Variants in HSP90AA1 observed in about 807,000 individuals in gnomAD.
The protein encoded by HSP90AA1 is heat shock protein 90 alpha family class A member 1, also known as heat shock protein HSP 90-alpha.
A neutral mutation model predicts 73.3 loss-of-function variants in HSP90AA1; 18 were observed. The observed-to-expected ratio is 0.25, with a 90% CI of 0.17 to 0.36. The LOEUF (loss-of-function observed/expected upper bound fraction) is 0.36, where lower values mean the gene tolerates loss of function less well. Ranked by LOEUF, HSP90AA1 falls within the 10% of genes least tolerant of loss-of-function variation. The probability of loss-of-function intolerance (pLI) is 1.00; values close to 1 mark genes in which losing one functional copy is unlikely to be tolerated. For synonymous variants in HSP90AA1, 477 were observed against 296.9 expected (o/e 1.61, Z -6.24); for missense variants, 704 against 874.2 (o/e 0.81, Z 2.45).
Position 102,139,132 on chromosome 14 carries a change from C to T in HSP90AA1, c.155+118G>A, listed in dbSNP as rs2152631080. On this transcript the variant is annotated intron_variant, in intron 1 of 11. Coordinates refer to the HSP90AA1 transcript ENST00000334701. ...AGAAGCGGAGGCCGCCAGTGCTCAT[C>T]ACACGCAGGAATTAGGATATCTGGC... The T allele has an allele frequency of 3.1e-6, 4 of 1,271,120 alleles. No individual in the cohort carries two copies. In the South Asian group the frequency reaches 5.0e-5, roughly 16 times the overall value. 78.7% of individuals were successfully genotyped at this position (1,271,120 alleles called of 1,614,324 possible). A position where few individuals can be genotyped will look rare whatever the true frequency, so the allele number is the denominator to read the frequency against.
rs556803066 is a variant in HSP90AA1, at chr14:102,081,046, T to C, written c.*666A>G. On this transcript the variant is annotated 3_prime_UTR_variant, in exon 11 of 11. Coordinates refer to ENST00000216281, the MANE Select transcript of HSP90AA1 (RefSeq NM_005348.4). ...CCCTAAATAAGACACTGTCACACAA[T>C]ATCTTTTAACTCATCTGTATTTGTT... 9 of 227,466 alleles carry C rather than the reference T, an allele frequency of 4.0e-5. No homozygotes were observed. The highest frequency in any genetic ancestry group is 1.6e-4 in the African/African-American group (7 of 45,102). The allele number at this position is 227,466 out of a possible 1,614,324, so 14.1% of individuals were successfully genotyped here.
intron 1 of HSP90AA1, among the ~76,000 whole-genome samples, chr14:102,128,428 G>A (rs2049863877): frequency 6.6e-6 from 1 of 152,096 alleles, no homozygotes; most frequent in Non-Finnish European, 1.5e-5. Context: ...AGGGGTTCGA[G>A]ACCAGCCTGG....
intron 1 of HSP90AA1, among the ~76,000 whole-genome samples, chr14:102,116,118 ATT>A (rs1173240447): frequency 6.6e-6 from 1 of 151,534 alleles, no homozygotes; most frequent in Admixed American, 6.6e-5. Flanking sequence ...CGCCCAACTA[ATT>A]TTTTTTGTAT....
intron 2 of HSP90AA1, among the ~76,000 whole-genome samples, chr14:102,092,934 A>T (rs892439236): frequency 6.6e-6 from 1 of 151,636 alleles, no homozygotes; most frequent in African/African-American, 2.4e-5. Flanking sequence ...TAATAGAGAC[A>T]TGGTTTCACC....
chr14:102,115,136 G>GA (rs71116882), intron 1 of HSP90AA1, among the ~76,000 whole-genome samples: 104,727 of 145,252 alleles, frequency 0.72, 40,899 homozygotes, highest in East Asian at 0.92. Context: ...CACAGAGCAA[G>GA]AAAAAAAAAA....
At position 102,084,460 on chromosome 14, in the gene HSP90AA1, T is replaced by C. The variant is rs1445977308; in HGVS notation, c.1086A>G (p.Lys362=). The C allele has an allele frequency of 3.1e-6, 5 of 1,613,660 alleles. No homozygotes were observed. The highest frequency in any genetic ancestry group is 2.2e-5 in the East Asian group (1 of 44,898). ...TGATGAAAACTCTGCGTACATACAATTTGATGTTGTTCTTTTTCTTTCTGT... is the reference window on the plus strand; with the variant it reads ...TGATGAAAACTCTGCGTACATACAACTTGATGTTGTTCTTTTTCTTTCTGT... ...FENRKKKNNI[K]LYVRRVFIMD... is the part of the protein sequence containing the mutation. Residue 362 remains lysine (K), a synonymous_variant, in exon 6 of 11, where the codon AAA becomes AAG. Transcript: ENST00000216281.
chr14:102,134,891 TC>T (rs746604879), intron 1 of HSP90AA1, among the ~76,000 whole-genome samples: 1 of 152,188 alleles, frequency 6.6e-6, no homozygotes, highest in Non-Finnish European at 1.5e-5. Flanking sequence ...CCCACCCACA[TC>T]CTGCTGATTG....
rs1244729499 is a variant in HSP90AA1, at chr14:102,080,948, G to A, written c.*764C>T. The A allele has an allele frequency of 2.2e-5, 5 of 228,030 alleles. No individual in the cohort carries two copies. The Admixed American group carries it at 2.8e-4, about 13-fold the overall frequency. The allele number at this position is 228,030 out of a possible 1,614,324, so 14.1% of individuals were successfully genotyped here. On this transcript the variant is annotated 3_prime_UTR_variant, in exon 11 of 11. Coordinates refer to ENST00000216281, the MANE Select transcript of HSP90AA1 (RefSeq NM_005348.4). Reference sequence around the variant, plus strand: ...CATGTCAACCCTTGGAGCAGCTAGTGTTTAACCATCTCCTGCTAGCGCCTC... The same window carrying A: ...CATGTCAACCCTTGGAGCAGCTAGTATTTAACCATCTCCTGCTAGCGCCTC...
At chr14:102,131,918 T>G (rs2049911121) in intron 1 of HSP90AA1, among the ~76,000 whole-genome samples, 1 of 152,144 alleles carries the variant, frequency 6.6e-6, no homozygotes, top group Non-Finnish European at 1.5e-5. Context: ...GTTACAACAA[T>G]GTAGCATATG....
chr14:102,110,114 T>A (rs1358584363), intron 1 of HSP90AA1, among the ~76,000 whole-genome samples: 1 of 151,988 alleles, frequency 6.6e-6, no homozygotes, highest in Admixed American at 6.6e-5. Context: ...TTTGTATTTT[T>A]AGTAGAGACA....
upstream of HSP90AA1, among the ~76,000 whole-genome samples, chr14:102,088,100 G>T (rs992544420): frequency 2.0e-5 from 3 of 151,820 alleles, no homozygotes; most frequent in Admixed American, 6.6e-5. Context: ...GTGGGCAGAG[G>T]ACCACAGGCG....
intron 1 of HSP90AA1, among the ~76,000 whole-genome samples, chr14:102,110,662 C>T (rs1043683471): frequency 6.6e-6 from 1 of 151,438 alleles, no homozygotes; most frequent in African/African-American, 2.4e-5. Context: ...TCACTGCAAG[C>T]TCCGCCTCCC....
At position 102,108,235 on chromosome 14, in the gene HSP90AA1, C is replaced by T. The variant is rs973006299; in HGVS notation, c.156-6150G>A. 3.7e-4 allele frequency among the ~76,000 whole-genome samples: 47 copies of T among 127,848 alleles called. 1 individual carries two copies. The highest frequency in any genetic ancestry group is 1.2e-3 in the African/African-American group (43 of 34,472). The allele number at this position is 127,848 out of a possible 152,430, so 83.9% of individuals were successfully genotyped here. On this transcript the variant is annotated intron_variant, in intron 1 of 11. Transcript: ENST00000334701. Reference sequence around the variant, plus strand: ...CCATAATCATGACATTGCACTACAGCGTAAGCAACAGAGCGAGACCTTGTC... The same window carrying T: ...CCATAATCATGACATTGCACTACAGTGTAAGCAACAGAGCGAGACCTTGTC...
At chr14:102,087,867 G>C (rs1286906870), upstream of HSP90AA1, among the ~76,000 whole-genome samples, 1 of 150,844 alleles carries the variant, frequency 6.6e-6, no homozygotes, top group Non-Finnish European at 1.5e-5. Flanking sequence ...CCATCGTTTT[G>C]CCGACCGATT....
intron 1 of HSP90AA1, among the ~76,000 whole-genome samples, chr14:102,137,394 C>A (rs2050015777): frequency 6.6e-6 from 1 of 151,804 alleles, no homozygotes; most frequent in South Asian, 2.1e-4. Flanking sequence ...GGTGCCATCT[C>A]GGCTCATTGC....
At chr14:102,105,915 C>T (rs1206025397) in intron 1 of HSP90AA1, among the ~76,000 whole-genome samples, 1 of 151,966 alleles carries the variant, frequency 6.6e-6, no homozygotes, top group Admixed American at 6.6e-5. Flanking sequence ...ACTAAAAATA[C>T]AAAAATCAGC....
chr14:102,094,230 T>C (rs1309034162), intron 2 of HSP90AA1, among the ~76,000 whole-genome samples: 1 of 152,220 alleles, frequency 6.6e-6, no homozygotes, highest in African/African-American at 2.4e-5. Flanking sequence ...CCCCTCCCAC[T>C]GTTGGCAGCA....
rs2049201511 is a variant in HSP90AA1 at position 102,085,376 on chromosome 14, A to G, written c.585T>C (p.Thr195=). Residue 195 remains threonine (T), a synonymous_variant, in exon 4 of 11, where the codon ACT becomes ACC. Transcript: ENST00000216281. The part of the protein sequence containing the change: ...KVILHLKEDQ[T]EYLEERRIKE... The stretch of plus-strand genomic sequence containing the variant: ...TTATTCTTCGTTCCTCCAAGTACTC[A>G]GTTTGGTCTTCTTTCAGGTGTAGGA... The G allele has an allele frequency of 6.2e-7, 1 of 1,613,116 alleles. No homozygotes were observed.
At chr14:102,139,669 C>G (rs1566747549) in exon 1 of HSP90AA1, 10 of 653,202 alleles carry the variant, frequency 1.5e-5, no homozygotes, top group African/African-American at 3.7e-5. Context: ...GCAGCCATGC[C>G]GCCCGGAGGC....
Sources: allele counts gnomAD v4.1 joint callset (sites outside exome capture counted in the v4.1 genomes callset), GRCh38; gene constraint gnomAD v4.1.1; transcripts MANE v1.5; gene names NCBI Gene and HGNC (gene_info 2026-07-23, HGNC 2026-07-21).